MTRF1: variants seen among roughly 807,000 people sequenced by gnomAD.
MTRF1 encodes the protein peptide chain release factor 1, mitochondrial.
In MTRF1, 51 loss-of-function variants were observed where a neutral mutation model predicts 62.9. The ratio of observed to expected loss-of-function variants is 0.81; its 90% CI spans 0.65 to 1.02. The LOEUF is 1.02. Among genes scored for constraint, MTRF1 ranks in the 50% least tolerant of loss-of-function variants. The pLI is 0.00. For synonymous variants in MTRF1, 158 were observed against 181.9 expected, an observed-to-expected ratio of 0.87 and a Z score of 1.06; for missense variants, 446 against 530.0, an observed-to-expected ratio of 0.84 and a Z score of 1.56.
the MTRF1 span, among the ~76,000 whole-genome samples, chr13:41,280,338 T>G: frequency 6.6e-6 from 1 of 151,536 alleles, no homozygotes; most frequent in African/African-American, 2.4e-5. Flanking sequence ...TATCTATAGC[T>G]TGGAAGCCCC....
intron 8 of MTRF1, among the ~76,000 whole-genome samples, chr13:41,225,146 A>G (rs2034136737): frequency 7.0e-6 from 1 of 142,396 alleles, no homozygotes; most frequent in African/African-American, 2.6e-5. Context: ...CGGGAGGCAG[A>G]GGTTGCAGTG....
At chr13:41,270,379 ATTAAT>A in the MTRF1 span, among the ~76,000 whole-genome samples, 1 of 152,170 alleles carries the variant, frequency 6.6e-6, no homozygotes, top group Non-Finnish European at 1.5e-5. Context: ...TCTTCAGTTA[ATTAAT>A]TAGAGCTCTT....
chr13:41,231,470 CAA>C (rs909459759), intron 7 of MTRF1, among the ~76,000 whole-genome samples: 2 of 152,182 alleles, frequency 1.3e-5, no homozygotes, highest in African/African-American at 4.8e-5. Flanking sequence ...GGCGGGAAGA[CAA>C]GAGGATTAAG....
At chr13:41,271,731 C>T in the MTRF1 span, among the ~76,000 whole-genome samples, 1 of 152,104 alleles carries the variant, frequency 6.6e-6, no homozygotes, top group South Asian at 2.1e-4. Context: ...TCTCACAAGG[C>T]CCCTGGTCAC....
intron 5 of MTRF1, among the ~76,000 whole-genome samples, chr13:41,249,702 C>CT (rs1366680197): frequency 2.4e-4 from 31 of 127,658 alleles, no homozygotes; most frequent in African/African-American, 8.9e-4. Flanking sequence ...TCTTGGCCCA[C>CT]TGCAACCTCT....
the MTRF1 span, among the ~76,000 whole-genome samples, chr13:41,272,388 A>G: frequency 6.6e-6 from 1 of 152,252 alleles, no homozygotes; most frequent in Non-Finnish European, 1.5e-5. Context: ...AAGCAAACAT[A>G]GAAACCAAGT....
intron 5 of MTRF1, among the ~76,000 whole-genome samples, chr13:41,243,375 A>C (rs1292258225): frequency 7.0e-6 from 1 of 143,742 alleles, no homozygotes; most frequent in Non-Finnish European, 1.5e-5. Context: ...ATTGCCCTCC[A>C]GCCTGGGAGA....
At chr13:41,266,707 T>C (rs1462448476), upstream of MTRF1, among the ~76,000 whole-genome samples, 1 of 151,628 alleles carries the variant, frequency 6.6e-6, no homozygotes, top group African/African-American at 2.4e-5. Context: ...CAAATTTCCC[T>C]GTGATGCCGG....
intron 5 of MTRF1, among the ~76,000 whole-genome samples, chr13:41,243,592 T>C (rs1376742713): frequency 6.6e-6 from 1 of 152,110 alleles, no homozygotes; most frequent in Admixed American, 6.6e-5. Flanking sequence ...TAATAAACTG[T>C]CCTTCACTGC....
chr13:41,240,618 A>C (rs1207408553), intron 5 of MTRF1, among the ~76,000 whole-genome samples, 185 bp from the exon 6 acceptor site: 2 of 152,234 alleles, frequency 1.3e-5, no homozygotes, highest in African/African-American at 4.8e-5. Context: ...ACAAAACTAC[A>C]GTTTTCCAAT....
At chr13:41,225,127 G>A (rs1311590292) in intron 8 of MTRF1, among the ~76,000 whole-genome samples, 4 of 149,332 alleles carry the variant, frequency 2.7e-5, no homozygotes, top group African/African-American at 5.0e-5. Flanking sequence ...CACAAGAATC[G>A]CTTGAACCCG....
intron 9 of MTRF1, chr13:41,220,404 G>C (rs2033084549): frequency 6.7e-6 from 2 of 297,550 alleles, no homozygotes; most frequent in Admixed American, 7.9e-5. Context: ...AGTGTAACTG[G>C]AATATAGAGC....
chr13:41,282,712 T>C, the MTRF1 span, among the ~76,000 whole-genome samples: 1 of 152,200 alleles, frequency 6.6e-6, no homozygotes, highest in Non-Finnish European at 1.5e-5. Flanking sequence ...TTAGTTACAA[T>C]CTCAAGAGAG....
chr13:41,303,682 G>C, the MTRF1 span, among the ~76,000 whole-genome samples: 2 of 152,164 alleles, frequency 1.3e-5, no homozygotes, highest in African/African-American at 4.8e-5. Flanking sequence ...TTGCTGGGCT[G>C]CATTCCCAGG....
At chr13:41,236,001 G>A (rs73179119) in intron 6 of MTRF1, 3,432 of 149,858 alleles carry the variant, frequency 0.023, 84 homozygotes, top group East Asian at 0.13. Context: ...TGACTCCCAG[G>A]TTCAAGAGTT....
At chr13:41,294,110 GA>G in the MTRF1 span, among the ~76,000 whole-genome samples, 3 of 151,916 alleles carry the variant, frequency 2.0e-5, no homozygotes, top group East Asian at 1.9e-4. Flanking sequence ...ATTTTTGATA[GA>G]AAAAAATTAT....
upstream of MTRF1, among the ~76,000 whole-genome samples, chr13:41,268,549 A>G (rs1204159167): frequency 6.6e-6 from 1 of 152,180 alleles, no homozygotes; most frequent in Non-Finnish European, 1.5e-5. Flanking sequence ...CTGTCTCAAA[A>G]AAAAATGAAA....
chr13:41,307,220 AC>A, the MTRF1 span, among the ~76,000 whole-genome samples: 1 of 151,736 alleles, frequency 6.6e-6, no homozygotes, highest in African/African-American at 2.4e-5. Context: ...TTGAATCGTA[AC>A]CCCCAGTGTT....
the MTRF1 span, among the ~76,000 whole-genome samples, chr13:41,281,225 T>C: frequency 2.0e-5 from 3 of 152,224 alleles, no homozygotes; most frequent in East Asian, 3.8e-4. Context: ...TTCACTCCTC[T>C]ATCAAACTAT....
Sources: gnomAD v4.1 joint callset for allele counts (sites outside exome capture counted in the v4.1 genomes callset) on GRCh38, gnomAD v4.1.1 for gene constraint, MANE v1.5 for transcripts, NCBI Gene and HGNC (gene_info 2026-07-23, HGNC 2026-07-21) for gene names.